TEX2: variants seen among roughly 807,000 people sequenced by gnomAD.
The protein encoded by TEX2 is testis expressed 2, also known as testis-expressed protein 2.
In TEX2, 53 loss-of-function variants were observed where a neutral mutation model predicts 106.9. The ratio of observed to expected loss-of-function variants is 0.50; its 90% CI spans 0.40 to 0.62. The LOEUF is 0.62. Among genes scored for constraint, TEX2 ranks in the 20% least tolerant of loss-of-function variants. The pLI is 0.00. For synonymous variants in TEX2, 523 were observed against 534.8 expected, an observed-to-expected ratio of 0.98 and a Z score of 0.30; for missense variants, 1,207 against 1,379.0, an observed-to-expected ratio of 0.88 and a Z score of 1.98.
chr17:64,186,883 G>A (rs1476102133), intron 5 of TEX2, among the ~76,000 whole-genome samples: 1 of 152,228 alleles, frequency 6.6e-6, no homozygotes, highest in African/African-American at 2.4e-5. Context: ...CCCCCAGGCA[G>A]AGACTGTGAC....
intron 2 of TEX2, among the ~76,000 whole-genome samples, chr17:64,210,938 C>A (rs1251054964): frequency 6.6e-6 from 1 of 151,788 alleles, no homozygotes; most frequent in Non-Finnish European, 1.5e-5. Context: ...GGCTCCAAAG[C>A]CTACCTCTGT....
At chr17:64,176,675 C>T (rs772524325) in intron 6 of TEX2, among the ~76,000 whole-genome samples, 94 of 152,138 alleles carry the variant, frequency 6.2e-4, no homozygotes, top group Admixed American at 6.1e-3. Flanking sequence ...TCCAACTGGC[C>T]CTGGATTAGC....
At chr17:64,173,253 C>G (rs2031487821) in intron 6 of TEX2, among the ~76,000 whole-genome samples, 1 of 152,134 alleles carries the variant, frequency 6.6e-6, no homozygotes, top group Non-Finnish European at 1.5e-5. Flanking sequence ...ACTTTTAAAT[C>G]TGGCAAGTCC....
chr17:64,191,244 G>A (rs1468047259), intron 4 of TEX2, among the ~76,000 whole-genome samples: 1 of 152,198 alleles, frequency 6.6e-6, no homozygotes, highest in African/African-American at 2.4e-5. Flanking sequence ...CATTATGTTT[G>A]TTGTGTGCTG....
At chr17:64,170,928 C>A (rs548608197) in intron 7 of TEX2, among the ~76,000 whole-genome samples, 172 bp downstream of exon 7, 51 of 152,312 alleles carry the variant, frequency 3.3e-4, no homozygotes, top group Middle Eastern at 3.4e-3. Context: ...AGCCACCATG[C>A]CCGGCCCCAA....
chr17:64,186,138 T>G (rs1388237823), intron 5 of TEX2, among the ~76,000 whole-genome samples: 1 of 152,200 alleles, frequency 6.6e-6, no homozygotes, highest in Non-Finnish European at 1.5e-5. Context: ...GGGAAATCTT[T>G]CAAAAGGAAG....
intron 1 of TEX2, among the ~76,000 whole-genome samples, chr17:64,225,360 A>G (rs1284705243): frequency 1.3e-5 from 2 of 152,206 alleles, no homozygotes; most frequent in Non-Finnish European, 2.9e-5. Flanking sequence ...GATGGGAACA[A>G]GGCAGCTACA....
intron 2 of TEX2, among the ~76,000 whole-genome samples, chr17:64,197,230 C>T (rs543691650): frequency 6.6e-6 from 1 of 152,036 alleles, no homozygotes; most frequent in East Asian, 1.9e-4. Flanking sequence ...ATAGCATTTG[C>T]CCATGAAGCT....
chr17:64,245,417 T>G (rs555470541), intron 1 of TEX2, among the ~76,000 whole-genome samples: 2 of 152,324 alleles, frequency 1.3e-5, no homozygotes, highest in African/African-American at 4.8e-5. Flanking sequence ...AGAAATGCTA[T>G]GCCTATAAAG....
Position 64,180,012 on chromosome 17 carries a change from TCTGA to T in TEX2, c.2425-2545_2425-2542del, listed in dbSNP as rs962428739. On this transcript the variant is annotated intron_variant, in intron 5 of 11. Transcript: ENST00000584379. ...ACTGTTTTTTTGAATCCCTTTTTTC[TCTGA>T]CTGAACATCTCCTTCCCAGCCCCAA... is the stretch of plus-strand genomic sequence containing the variant. 4.5e-4 allele frequency among the ~76,000 whole-genome samples: 69 copies of T among 152,324 alleles called. 1 individual carries two copies. The highest frequency in any genetic ancestry group is 1.6e-3 in the African/African-American group (68 of 41,564).
At chr17:64,223,357 C>T (rs1239491967) in intron 1 of TEX2, among the ~76,000 whole-genome samples, 56 of 113,072 alleles carry the variant, frequency 5.0e-4, no homozygotes, top group South Asian at 1.6e-3. Context: ...CTGAATCTGG[C>T]TTTTTTTTTT....
chr17:64,229,089 C>T (rs115832289), intron 1 of TEX2, among the ~76,000 whole-genome samples: 4,819 of 152,184 alleles, frequency 0.032, 126 homozygotes, highest in South Asian at 0.1. Context: ...AGCTGTGTTT[C>T]CATATAAATC....
chr17:64,218,253 A>G (rs1329254255), intron 1 of TEX2, among the ~76,000 whole-genome samples: 1 of 152,020 alleles, frequency 6.6e-6, no homozygotes, highest in East Asian at 1.9e-4. Flanking sequence ...CTCCAGAAAA[A>G]AAAAAGTCTG....
At chr17:64,152,888 T>G in intron 10 of TEX2, 57 bp downstream of exon 10, 1 of 1,548,830 alleles carries the variant, frequency 6.5e-7, no homozygotes. Flanking sequence ...AGGCTGGGAT[T>G]TCTGTGGCCA....
At chr17:64,184,985 C>T (rs1437788088) in intron 5 of TEX2, among the ~76,000 whole-genome samples, 1 of 152,148 alleles carries the variant, frequency 6.6e-6, no homozygotes, top group East Asian at 1.9e-4. Context: ...AAAAAGCCTA[C>T]TTTGTGGGGG....
At chr17:64,240,117 G>A (rs943747725) in intron 1 of TEX2, among the ~76,000 whole-genome samples, 4 of 151,966 alleles carry the variant, frequency 2.6e-5, no homozygotes, top group African/African-American at 9.7e-5. Flanking sequence ...TAAGTACACT[G>A]ATTATACAAT....
At chr17:64,256,715 G>A (rs1299407765) in intron 1 of TEX2, among the ~76,000 whole-genome samples, 4 of 152,092 alleles carry the variant, frequency 2.6e-5, no homozygotes, top group African/African-American at 9.7e-5. Context: ...CATCTGTTTT[G>A]CTCCCCATCA....
At chr17:64,241,384 G>A (rs1403676418) in intron 1 of TEX2, among the ~76,000 whole-genome samples, 4 of 152,162 alleles carry the variant, frequency 2.6e-5, no homozygotes, top group African/African-American at 7.2e-5. Context: ...ATATGGCTGG[G>A]TCTCTCTCTC....
At chr17:64,258,821 G>A (rs2034235082) in intron 1 of TEX2, among the ~76,000 whole-genome samples, 2 of 151,204 alleles carry the variant, frequency 1.3e-5, no homozygotes, top group Admixed American at 1.3e-4. Flanking sequence ...GTGCAGTGGT[G>A]CGATCTCGGC....
Sources: gnomAD v4.1 joint callset for allele counts (sites outside exome capture counted in the v4.1 genomes callset) on GRCh38, gnomAD v4.1.1 for gene constraint, MANE v1.5 for transcripts, NCBI Gene and HGNC (gene_info 2026-07-23, HGNC 2026-07-21) for gene names.